PTN: variants seen among roughly 807,000 people sequenced by gnomAD.
PTN encodes the protein heparin affin regulatory protein.
PTN carries 18 observed loss-of-function variants against 24.1 expected under a neutral mutation model. That is an observed-to-expected ratio of 0.75 (90% CI 0.52 to 1.11). The LOEUF is 1.11. Ranked by LOEUF, PTN falls within the 50% of genes least tolerant of loss-of-function variation. PTN has a pLI of 0.00. For missense variants in PTN, 163 were observed against 198.8 expected, an observed-to-expected ratio of 0.82 and a Z score of 1.08; for synonymous variants, 78 against 68.6, an observed-to-expected ratio of 1.14 and a Z score of -0.67.
chr7:137,258,389 G>T (rs968116260), intron 1 of PTN, among the ~76,000 whole-genome samples: 8 of 152,148 alleles, frequency 5.3e-5, no homozygotes, highest in Non-Finnish European at 1.0e-4. Flanking sequence ...TGAAATAAAT[G>T]CACACAAGTC....
intron 1 of PTN, among the ~76,000 whole-genome samples, chr7:137,272,986 C>G (rs1196413590): frequency 6.6e-6 from 1 of 152,102 alleles, no homozygotes; most frequent in Admixed American, 6.5e-5. Context: ...TATCGAAAGC[C>G]TTTGGATAAT....
chr7:137,318,195 G>A (rs1292124257), intron 1 of PTN, among the ~76,000 whole-genome samples: 1 of 152,218 alleles, frequency 6.6e-6, no homozygotes, highest in East Asian at 1.9e-4. Context: ...TTGAACCTAG[G>A]TGGCAGAGGT....
chr7:137,301,392 T>C (rs1809803490), intron 1 of PTN, among the ~76,000 whole-genome samples: 1 of 151,886 alleles, frequency 6.6e-6, no homozygotes, highest in Non-Finnish European at 1.5e-5. Context: ...GAGACAGCTG[T>C]GAGAGTTGTC....
intron 1 of PTN, among the ~76,000 whole-genome samples, chr7:137,299,180 G>GGTTACCAAAGGGAACTAAA (rs1809766383): frequency 6.6e-6 from 1 of 151,820 alleles, no homozygotes; most frequent in Admixed American, 6.6e-5. Flanking sequence ...TAGTTCCCGA[G>GGTTACCAAAGGGAACTAAA]GTCACGTCCT....
intron 1 of PTN, among the ~76,000 whole-genome samples, chr7:137,271,889 G>GT (rs1278917053): frequency 6.6e-6 from 1 of 152,162 alleles, no homozygotes; most frequent in Non-Finnish European, 1.5e-5. Context: ...TCCCCACAAA[G>GT]TTTTGGGATT....
At chr7:137,336,705 T>C (rs1165674823) in intron 1 of PTN, among the ~76,000 whole-genome samples, 1 of 152,298 alleles carries the variant, frequency 6.6e-6, no homozygotes, top group Middle Eastern at 3.4e-3. Flanking sequence ...TTGTTGCAGA[T>C]GCCAAGTGGG....
In PTN at chr7:137,331,483, G is replaced by A. The variant is rs188542597; in HGVS notation, c.-2+11956C>T. On this transcript the variant is annotated intron_variant, in intron 1 of 4. Transcript: ENST00000348225. ...CATTTGACTTTCACTCCTCCTCTGCGATCGGGAATGTGGTGGTCAAACCCA... is the reference window on the plus strand; with the variant it reads ...CATTTGACTTTCACTCCTCCTCTGCAATCGGGAATGTGGTGGTCAAACCCA... 8.5e-5 allele frequency among the ~76,000 whole-genome samples: 13 copies of A among 152,320 alleles called. No individual in the cohort carries two copies. The East Asian group carries it at 1.9e-3, about 23-fold the overall frequency.
chr7:137,285,368 A>G (rs1809536650), intron 1 of PTN, among the ~76,000 whole-genome samples: 1 of 152,216 alleles, frequency 6.6e-6, no homozygotes, highest in Non-Finnish European at 1.5e-5. Flanking sequence ...CTGAATTTAA[A>G]GTAGTTGCTA....
In PTN at chr7:137,276,789, C is replaced by T. The variant is rs1322767455; in HGVS notation, c.-1-21815G>A. ...CAGAGAACTTGCTTCACAATTATTGCTTTTAACAGAAAAAAAAAAATCACA... is the reference window on the plus strand; with the variant it reads ...CAGAGAACTTGCTTCACAATTATTGTTTTTAACAGAAAAAAAAAAATCACA... On this transcript the variant is annotated intron_variant, in intron 1 of 4. Transcript: ENST00000348225. Among the ~76,000 whole-genome samples, 4 of 149,202 alleles carry T rather than the reference C, an allele frequency of 2.7e-5. No individual in the cohort carries two copies. The South Asian group carries it at 8.4e-4, about 31-fold the overall frequency.
At chr7:137,313,413 C>T (rs1355821554) in intron 1 of PTN, among the ~76,000 whole-genome samples, 1 of 152,150 alleles carries the variant, frequency 6.6e-6, no homozygotes, top group Non-Finnish European at 1.5e-5. Flanking sequence ...CGGTGTGTGG[C>T]ATCTGGCTTG....
At chr7:137,262,020 A>G (rs1277688265) in intron 1 of PTN, among the ~76,000 whole-genome samples, 2 of 147,610 alleles carry the variant, frequency 1.4e-5, no homozygotes, top group Non-Finnish European at 3.0e-5. Flanking sequence ...GGGGAAAAAG[A>G]GTTCTGGTTT....
chr7:137,278,234 G>A (rs570704304), intron 1 of PTN, among the ~76,000 whole-genome samples: 1 of 142,080 alleles, frequency 7.0e-6, no homozygotes, highest in African/African-American at 2.6e-5. Context: ...GTGAACCCGG[G>A]AGGCGGAGCT....
intron 1 of PTN, among the ~76,000 whole-genome samples, chr7:137,310,840 T>C (rs924082429): frequency 1.3e-5 from 2 of 152,212 alleles, no homozygotes; most frequent in Non-Finnish European, 2.9e-5. Flanking sequence ...CTTGCACTTT[T>C]ATATTATGGA....
At chr7:137,251,560 T>A (rs1808827853) in intron 3 of PTN, among the ~76,000 whole-genome samples, 169 bp from the exon 4 acceptor site, 1 of 152,220 alleles carries the variant, frequency 6.6e-6, no homozygotes, top group Admixed American at 6.5e-5. Context: ...TTCTGTTCAA[T>A]TCTATCACAT....
rs374257611 is a variant in PTN, at chr7:137,281,716, A to G, written c.-1-26742T>C. Among the ~76,000 whole-genome samples the G allele has an allele frequency of 4.5e-4, 69 of 152,346 alleles. No individual in the cohort carries two copies. The South Asian group carries it at 0.013, about 29-fold the overall frequency. On this transcript the variant is annotated intron_variant, in intron 1 of 4. Transcript: ENST00000348225. Reference sequence around the variant, plus strand: ...TGTATTTATAGCCCAACTTCTTCAAATAAGTGCTTAAGACACTTTTAAAGA... The same window carrying G: ...TGTATTTATAGCCCAACTTCTTCAAGTAAGTGCTTAAGACACTTTTAAAGA...
intron 1 of PTN, among the ~76,000 whole-genome samples, chr7:137,296,705 G>C (rs1809723550): frequency 6.6e-6 from 1 of 152,088 alleles, no homozygotes; most frequent in Non-Finnish European, 1.5e-5. Flanking sequence ...TGTTGAAACA[G>C]AGGGGACTCT....
At chr7:137,228,624 C>T (rs781080300) in intron 4 of PTN, among the ~76,000 whole-genome samples, 9 of 151,740 alleles carry the variant, frequency 5.9e-5, no homozygotes, top group Non-Finnish European at 8.8e-5. Context: ...TAAAAAGAAC[C>T]GGCTATAAAC....
Position 137,328,453 on chromosome 7 carries a change from G to C in PTN, c.-2+14986C>G, listed in dbSNP as rs1810297960. On this transcript the variant is annotated intron_variant, in intron 1 of 4. Transcript: ENST00000348225. ...GTCCCACTGTTGGATGTCCAAGCTT[G>C]ACAGTGAATGCTTTCCAATGGGAAA... Among the ~76,000 whole-genome samples the C allele has an allele frequency of 2.6e-5, 4 of 152,186 alleles. No individual in the cohort carries two copies. In the South Asian group the frequency reaches 8.3e-4, roughly 32 times the overall value.
At chr7:137,341,549 T>C (rs1810534367) in intron 1 of PTN, among the ~76,000 whole-genome samples, 1 of 152,278 alleles carries the variant, frequency 6.6e-6, no homozygotes, top group South Asian at 2.1e-4. Context: ...TAATATCTCA[T>C]TTAAAGTCAG....
Sources: allele counts gnomAD v4.1 joint callset (sites outside exome capture counted in the v4.1 genomes callset), GRCh38; gene constraint gnomAD v4.1.1; transcripts MANE v1.5; gene names NCBI Gene and HGNC (gene_info 2026-07-23, HGNC 2026-07-21).